The following ESYT2 variants were observed in gnomAD, a reference collection of about 807,000 sequenced individuals.
ESYT2 encodes extended synaptotagmin 2, also known as extended synaptotagmin-2.
ESYT2 carries 54 observed loss-of-function variants against 107.2 expected under a neutral mutation model. That is an observed-to-expected ratio of 0.50 (90% CI 0.40 to 0.63). The LOEUF (loss-of-function observed/expected upper bound fraction) is 0.63, where lower values mean the gene tolerates loss of function less well. Ranked by LOEUF, ESYT2 falls within the 30% of genes least tolerant of loss-of-function variation. ESYT2 has a pLI of 0.00. For synonymous variants in ESYT2, 491 were observed against 434.1 expected, an observed-to-expected ratio of 1.13 and a Z score of -1.63; for missense variants, 1,020 against 1,094.5, an observed-to-expected ratio of 0.93 and a Z score of 0.96.
In ESYT2 at chr7:158,737,154, C is replaced by T. The variant is rs1836989095; in HGVS notation, c.2293G>A (p.Gly765Ser). 1 of 1,613,792 alleles carries T rather than the reference C, an allele frequency of 6.2e-7. No individual in the cohort carries two copies. The highest frequency in any genetic ancestry group is 8.5e-7 in the Non-Finnish European group (1 of 1,179,792). ...CRNLIAFSED[G>S]SDPYVRMYLL... ...TACATGCGGACATAGGGGTCAGAGC[C>T]GTCTTCAGAGAAGGCAATGAGGTTT... Residue 765 changes from glycine (G) to serine (S), a missense_variant, in exon 20 of 23, where the codon GGC (glycine) becomes AGC (serine). Transcript: ENST00000275418.
rs1840566260 is a variant in ESYT2 at position 158,829,427 on chromosome 7, A to G, written c.-9T>C. The G allele has an allele frequency of 3.4e-6, 4 of 1,186,142 alleles. No individual in the cohort carries two copies. The highest frequency in any genetic ancestry group is 4.2e-6 in the Non-Finnish European group (4 of 962,768). 73.5% of individuals were successfully genotyped at this position (1,186,142 alleles called of 1,614,324 possible). ...CCCCGGGCGCCGCTCATCGCCCCGCAGTGCCGCGCTGCCCTCCCGGCCGAG... is the reference window on the plus strand; with the variant it reads ...CCCCGGGCGCCGCTCATCGCCCCGCGGTGCCGCGCTGCCCTCCCGGCCGAG... On this transcript the variant is annotated 5_prime_UTR_variant, in exon 1 of 23. Coordinates refer to ENST00000275418, the MANE Select transcript of ESYT2 (RefSeq NM_001367773.1).
At chr7:158,794,794 T>C (rs1839412659) in intron 3 of ESYT2, among the ~76,000 whole-genome samples, 1 of 152,062 alleles carries the variant, frequency 6.6e-6, no homozygotes, top group Non-Finnish European at 1.5e-5. Flanking sequence ...AAAGAAGCAC[T>C]TTACCTTTAG....
At chr7:158,751,025 T>C (rs1837567101) in intron 14 of ESYT2, among the ~76,000 whole-genome samples, 1 of 152,202 alleles carries the variant, frequency 6.6e-6, no homozygotes, top group Non-Finnish European at 1.5e-5. Context: ...TCTGAAAAAG[T>C]GGTCACCTGT....
chr7:158,788,415 A>C lies in ESYT2; in HGVS notation c.587T>G (p.Phe196Cys). 6.2e-7 allele frequency: 1 copy of C among 1,609,722 alleles called. No homozygotes were observed. The highest frequency in any genetic ancestry group is 1.3e-5 in the African/African-American group (1 of 74,846). ...CAAATCAATCTCACAATTTCCTACA[A>C]AACTAACAAAAAATTCTGCATTACA... ...RQIILDLQIS[F>C]VGNCEIDLEI... The change falls in exon 5 of 23, where the codon TTT becomes TGT. Residue 196 changes from phenylalanine to cysteine, a missense_variant and splice_region_variant. Coordinates refer to ENST00000275418, the MANE Select transcript of ESYT2 (RefSeq NM_001367773.1).
At chr7:158,775,314 G>T (rs1267845950) in intron 6 of ESYT2, among the ~76,000 whole-genome samples, 2 of 152,162 alleles carry the variant, frequency 1.3e-5, no homozygotes, top group African/African-American at 2.4e-5. Context: ...GAAGGTTAGG[G>T]TAAGACAACA....
chr7:158,773,108 C>T (rs186920395), intron 7 of ESYT2, among the ~76,000 whole-genome samples: 31 of 152,264 alleles, frequency 2.0e-4, no homozygotes, highest in East Asian at 5.8e-4. Context: ...AAGACTGCGT[C>T]CTCAGCTGGC....
chr7:158,757,650 G>GGGACGCCCCTTAATCCCGCA lies in ESYT2; in HGVS notation c.1419+1835_1419+1836insTGCGGGATTAAGGGGCGTCC, dbSNP rs1563630603. On this transcript the variant is annotated intron_variant, in intron 13 of 22. Transcript: ENST00000275418. ...CCCGCGGGACGCCCCTTAATCCCGC[G>GGGACGCCCCTTAATCCCGCA]CCAGGCACCCCGCGGCTCTGCAAAG... 1.5e-4 allele frequency among the ~76,000 whole-genome samples: 23 copies of GGGACGCCCCTTAATCCCGCA among 152,296 alleles called. No homozygotes were observed. In the South Asian group the frequency reaches 4.6e-3, roughly 30 times the overall value.
At chr7:158,807,481 C>T (rs750838847) in intron 1 of ESYT2, among the ~76,000 whole-genome samples, 4 of 152,064 alleles carry the variant, frequency 2.6e-5, no homozygotes, top group Non-Finnish European at 5.9e-5. Context: ...TTACTGTTTC[C>T]TTTTTAATTA....
chr7:158,785,122 C>T (rs534424388), intron 6 of ESYT2, among the ~76,000 whole-genome samples: 37 of 152,316 alleles, frequency 2.4e-4, no homozygotes, highest in African/African-American at 8.2e-4. Flanking sequence ...TTTCTCCTTA[C>T]TGATAATTCA....
chr7:158,743,716 AT>A lies in ESYT2; in HGVS notation c.1645-39del. On this transcript the variant is annotated intron_variant, in intron 16 of 22. Transcript: ENST00000275418. The stretch of plus-strand genomic sequence containing the variant: ...GGGTGGAAACACTGGCATAACTAGG[AT>A]CATGTCTGCAGAACCTTTCTACGTT... 4 of 1,589,554 alleles carry A rather than the reference AT, an allele frequency of 2.5e-6. No homozygotes were observed. In the East Asian group the frequency reaches 9.3e-5, roughly 37 times the overall value.
At chr7:158,762,783 G>C (rs1455366267) in intron 10 of ESYT2, among the ~76,000 whole-genome samples, 3 of 152,188 alleles carry the variant, frequency 2.0e-5, no homozygotes, top group Non-Finnish European at 4.4e-5. Context: ...GTAGCTTTAA[G>C]CCTTGTAAAC....
intron 1 of ESYT2, among the ~76,000 whole-genome samples, chr7:158,818,262 C>T (rs375972475): frequency 6.6e-6 from 1 of 152,132 alleles, no homozygotes; most frequent in African/African-American, 2.4e-5. Flanking sequence ...GAAAGATTAG[C>T]CATGTCCTTG....
intron 17 of ESYT2, 76 bp from the exon 18 acceptor site, chr7:158,741,972 T>C: frequency 6.9e-7 from 1 of 1,445,816 alleles, no homozygotes; most frequent in Non-Finnish European, 9.2e-7. Context: ...GCCTGGGATG[T>C]CTTTACCTGC....
chr7:158,752,465 G>A (rs2336802), intron 14 of ESYT2, among the ~76,000 whole-genome samples: 16,046 of 152,238 alleles, frequency 0.11, 874 homozygotes, highest in African/African-American at 0.12. Context: ...ATTTTAAGTA[G>A]AACGTCTATA....
Position 158,829,290 on chromosome 7 carries a change from G to A in ESYT2, c.129C>T (p.Ser43=). 6.6e-7 allele frequency: 1 copy of A among 1,511,622 alleles called. No individual in the cohort carries two copies. The highest frequency in any genetic ancestry group is 8.8e-7 in the Non-Finnish European group (1 of 1,138,738). 93.6% of individuals were successfully genotyped at this position (1,511,622 alleles called of 1,614,324 possible). The change falls in exon 1 of 23, where the codon AGC becomes AGT. Residue 43 remains serine (S), a synonymous_variant. Coordinates refer to ENST00000275418, the MANE Select transcript of ESYT2 (RefSeq NM_001367773.1). ...LPGLLAQLAR[S]FALLLPVYAL... is the part of the protein sequence containing the mutation. ...CGTACACGGGCAGCAGCAGCGCGAAGCTCCGCGCCAGCTGCGCCAGCAGCC... is the reference window on the plus strand; with the variant it reads ...CGTACACGGGCAGCAGCAGCGCGAAACTCCGCGCCAGCTGCGCCAGCAGCC...
At chr7:158,765,024 A>G (rs1365124107) in intron 8 of ESYT2, among the ~76,000 whole-genome samples, 171 bp from the exon 9 acceptor site, 4 of 152,186 alleles carry the variant, frequency 2.6e-5, no homozygotes, top group African/African-American at 4.8e-5. Flanking sequence ...TGTGTATAGG[A>G]GAAGCAGGTG....
Position 158,798,154 on chromosome 7 carries a change from C to T in ESYT2, c.373-78G>A, listed in dbSNP as rs1056438764. The T allele has an allele frequency of 5.4e-5, 79 of 1,470,424 alleles. No homozygotes were observed. In the Middle Eastern group the frequency reaches 7.7e-4, roughly 14 times the overall value. 91.1% of individuals were successfully genotyped at this position (1,470,424 alleles called of 1,614,324 possible). On this transcript the variant is annotated intron_variant, in intron 2 of 22. Coordinates refer to ENST00000275418, the MANE Select transcript of ESYT2 (RefSeq NM_001367773.1). ...CACACGAGTGCTCGTGAGAAACCCT[C>T]GCAACAGACCAAACCTGGTTTTGAA...
chr7:158,789,111 A>G (rs912349476), intron 4 of ESYT2, among the ~76,000 whole-genome samples: 10 of 152,204 alleles, frequency 6.6e-5, no homozygotes, highest in African/African-American at 2.4e-4. Flanking sequence ...TCACACTCCT[A>G]CCTGACAATG....
rs13223424 is a variant in ESYT2 at position 158,799,151 on chromosome 7, C to G, written c.331-79G>C. ...AATGTCAAGCAGGCAATTTCATATT[C>G]TCATCATACGTCCTATGTTTACAAG... On this transcript the variant is annotated intron_variant, in intron 1 of 22. Transcript: ENST00000275418. The G allele has an allele frequency of 8.0e-3, 9,940 of 1,239,756 alleles. 64 individuals carry two copies. The highest frequency in any genetic ancestry group is 0.01 in the Non-Finnish European group (8,594 of 844,692). The allele number at this position is 1,239,756 out of a possible 1,614,324, so 76.8% of individuals were successfully genotyped here. A position where few individuals can be genotyped will look rare whatever the true frequency, so the allele number is the denominator to read the frequency against.
Sources: gnomAD v4.1 joint callset for allele counts (sites outside exome capture counted in the v4.1 genomes callset) on GRCh38, gnomAD v4.1.1 for gene constraint, MANE v1.5 for transcripts, NCBI Gene and HGNC (gene_info 2026-07-23, HGNC 2026-07-21) for gene names.